Variants in EPHA2 observed in about 807,000 individuals in gnomAD.
EPHA2 encodes the protein ephrin type-A receptor 2.
In EPHA2, 54 loss-of-function variants were observed where a neutral mutation model predicts 104.9. The ratio of observed to expected loss-of-function variants is 0.51; its 90% confidence interval spans 0.41 to 0.65. The LOEUF (loss-of-function observed/expected upper bound fraction) is 0.65, where lower values mean the gene tolerates loss of function less well. Among genes scored for constraint, EPHA2 ranks in the 30% least tolerant of loss-of-function variants. EPHA2 has a pLI of 0.00. For missense variants in EPHA2, 1,117 were observed against 1,369.5 expected (o/e 0.82, Z 2.91); for synonymous variants, 560 against 559.1 (o/e 1.00, Z -0.02).
rs900675878 is a variant in EPHA2, at chr1:16,148,165, C to T, written c.823+213G>A. Among the ~76,000 whole-genome samples the T allele has an allele frequency of 2.0e-5, 3 of 152,162 alleles. No homozygotes were observed. Among genetic ancestry groups the T allele is most frequent in the African/African-American group, 7.2e-5 (3 of 41,428 alleles). On this transcript the variant is annotated intron_variant, in intron 3 of 16. Transcript: ENST00000358432. The surrounding 1 kb of genome is among the most constrained non-coding windows in gnomAD (Gnocchi z 4.9). ...TGCTGGGATTACAGGCATGAGCCAC[C>T]GTGCCCAGCCACAATTCATTCATTC...
At chr1:16,146,018 C>A (rs1236148313) in intron 3 of EPHA2, among the ~76,000 whole-genome samples, 2 of 152,222 alleles carry the variant, frequency 1.3e-5, no homozygotes, top group African/African-American at 4.8e-5. Flanking sequence ...TCGGACGACA[C>A]CCGTCTACGG....
chr1:16,150,186 CT>C lies in EPHA2; in HGVS notation c.153+709del, dbSNP rs1310190298. 1.3e-5 allele frequency among the ~76,000 whole-genome samples: 2 copies of C among 152,158 alleles called. No homozygotes were observed. Among genetic ancestry groups the C allele is most frequent in the Non-Finnish European group, 2.9e-5 (2 of 68,030 alleles). ...CTCTGGGAACTATTCCAAGTAGCCC[CT>C]GGGAGACAGCCCCCTTTCTCAGCTC... On this transcript the variant is annotated intron_variant, in intron 2 of 16. Coordinates refer to ENST00000358432, the MANE Select transcript of EPHA2 (RefSeq NM_004431.5). The surrounding 1 kb of genome is among the most constrained non-coding windows in gnomAD (Gnocchi z 4.8).
chr1:16,148,446 T>C lies in EPHA2; in HGVS notation c.755A>G (p.Glu252Gly). ...GCACTGCCCAATGGGCACCAGCCACTCGCCATCCACTGCACAGTGCATACG... is the reference window on the plus strand; with the variant it reads ...GCACTGCCCAATGGGCACCAGCCACCCGCCATCCACTGCACAGTGCATACG... ...EPRMHCAVDG[E>G]WLVPIGQCLC... The change falls in exon 3 of 17, where the codon GAG becomes GGG. Residue 252 changes from glutamate (E) to glycine (G), a missense_variant. Glu to Gly is a moderately conservative substitution (Grantham distance 98). Around this residue, in one of 3 missense-constraint regions of EPHA2, gnomAD observed 664 missense variants for 784.8 expected, o/e 0.85. Transcript: ENST00000358432. The surrounding 1 kb of genome is among the most constrained non-coding windows in gnomAD (Gnocchi z 4.9). 6.2e-7 allele frequency: 1 copy of C among 1,613,832 alleles called. No individual in the cohort carries two copies. Among genetic ancestry groups the C allele is most frequent in the Non-Finnish European group, 8.5e-7 (1 of 1,180,046 alleles).
intron 16 of EPHA2, among the ~76,000 whole-genome samples, chr1:16,126,830 G>A (rs1315649409): frequency 6.6e-6 from 1 of 152,132 alleles, no homozygotes; most frequent in Non-Finnish European, 1.5e-5. Flanking sequence ...GCTCCAGGAG[G>A]ACAAGTGCTG....
Position 16,132,178 on chromosome 1 carries a change from G to A in EPHA2, c.2211C>T (p.His737=). The change falls in exon 13 of 17, where the codon CAC becomes CAT. Residue 737 remains histidine (H), a synonymous_variant. Coordinates refer to ENST00000358432, the MANE Select transcript of EPHA2 (RefSeq NM_004431.5). ...GGATGTTGCGGGCAGCCAGGTCACG[G>A]TGCACATAGTTCATGTTGGCCAGGT... is the stretch of plus-strand genomic sequence containing the variant. ...MKYLANMNYV[H]RDLAARNILV... 4 of 1,614,216 alleles carry A rather than the reference G, an allele frequency of 2.5e-6. No homozygotes were observed. Among genetic ancestry groups the A allele is most frequent in the Non-Finnish European group, 3.4e-6 (4 of 1,180,042 alleles).
chr1:16,129,149 C>T (rs760588526), intron 16 of EPHA2, among the ~76,000 whole-genome samples: 2 of 150,900 alleles, frequency 1.3e-5, no homozygotes, highest in Non-Finnish European at 3.0e-5. Context: ...CAAGCAGAGA[C>T]GGCACATAGC....
At position 16,138,288 on chromosome 1, in the gene EPHA2, C is replaced by T. The variant is rs1284955011; in HGVS notation, c.966G>A (p.Ser322=). Residue 322 remains serine, a synonymous_variant, in exon 4 of 17, where the codon TCG becomes TCA. Coordinates refer to ENST00000358432, the MANE Select transcript of EPHA2 (RefSeq NM_004431.5). ...GFFRAPQDPA[S]MPCTRPPSAP... ...TGCAAGACTCACGTGTGCAAGGCAT[C>T]GACGCTGGGTCCTGAGGTGCCCGGA... 5 of 1,613,330 alleles carry T rather than the reference C, an allele frequency of 3.1e-6. No homozygotes were observed. Among genetic ancestry groups the T allele is most frequent in the East Asian group, 4.5e-5 (2 of 44,856 alleles).
intron 3 of EPHA2, among the ~76,000 whole-genome samples, chr1:16,145,875 C>T (rs1325595096): frequency 6.6e-6 from 1 of 152,222 alleles, no homozygotes; most frequent in Non-Finnish European, 1.5e-5. Context: ...TTCAGGCAAG[C>T]CTCTTTAGCT....
At position 16,150,619 on chromosome 1, in the gene EPHA2, GGAAGGCCCA is replaced by G. The variant is rs2025015395; in HGVS notation, c.153+268_153+276del. On this transcript the variant is annotated intron_variant, in intron 2 of 16. Transcript: ENST00000358432. This position sits in a 1 kb window ranked among gnomAD's most constrained non-coding sequence, Gnocchi z 4.8. ...CTGACTGTCAGCCCTTCTGGAACAT[GGAAGGCCCA>G]GCTCCGCTAGGGCCTTCTCTGTCTC... 6.6e-6 allele frequency among the ~76,000 whole-genome samples: 1 copy of G among 152,178 alleles called. No homozygotes were observed. Among genetic ancestry groups the G allele is most frequent in the South Asian group, 2.1e-4 (1 of 4,826 alleles).
chr1:16,130,424 C>T lies in EPHA2; in HGVS notation c.2476-5G>A, dbSNP rs374463695. 69 of 1,541,406 alleles carry T rather than the reference C, an allele frequency of 4.5e-5. 1 individual carries two copies. Among genetic ancestry groups the T allele is most frequent in the South Asian group, 4.4e-4 (35 of 79,156 alleles). On this transcript the variant is annotated splice_region_variant and splice_polypyrimidine_tract_variant and intron_variant, in intron 14 of 16. Transcript: ENST00000358432. The surrounding 1 kb of genome is among the most constrained non-coding windows in gnomAD (Gnocchi z 4.5). The stretch of plus-strand genomic sequence containing the variant: ...ATCATTGATGGCTTTCATCACCTGG[C>T]GGGGCACGAAGGTCAGGGGCGCTGT...
At chr1:16,132,328 C>A in intron 12 of EPHA2, 50 bp downstream of exon 12, 2 of 1,614,098 alleles carry the variant, frequency 1.2e-6, no homozygotes, top group Non-Finnish European at 1.7e-6. Context: ...CCAGGCCAGC[C>A]CCGGGCTCAA....
In EPHA2 at chr1:16,156,042, TCTGCCCCTC is replaced by T; in HGVS notation, c.-119_-111del. The T allele has an allele frequency of 1.1e-6, 1 of 908,842 alleles. No individual in the cohort carries two copies. The highest frequency in any genetic ancestry group is 1.5e-6 in the Non-Finnish European group (1 of 653,742). 56.3% of individuals were successfully genotyped at this position (908,842 alleles called of 1,614,324 possible). A position where few individuals can be genotyped will look rare whatever the true frequency, so the allele number is the denominator to read the frequency against. On this transcript the variant is annotated 5_prime_UTR_variant, in exon 1 of 17. Coordinates refer to ENST00000358432, the MANE Select transcript of EPHA2 (RefSeq NM_004431.5). Reference sequence around the variant, plus strand: ...CCCGCCCGCCGGCCTGCGCGCAACTTCTGCCCCTCCTGCCCCGAGTCCTTAATGGAAGTT... The same window carrying T: ...CCCGCCCGCCGGCCTGCGCGCAACTTCTGCCCCGAGTCCTTAATGGAAGTT...
chr1:16,141,031 C>A (rs753383798), intron 3 of EPHA2, among the ~76,000 whole-genome samples: 38 of 152,224 alleles, frequency 2.5e-4, no homozygotes, highest in Non-Finnish European at 5.9e-5. Flanking sequence ...CCTCACCGGG[C>A]CTCCTTTCCC....
At chr1:16,129,022 C>A (rs56798834) in intron 16 of EPHA2, among the ~76,000 whole-genome samples, 2,658 of 151,852 alleles carry the variant, frequency 0.018, 88 homozygotes, top group African/African-American at 0.059. Context: ...CTGCTCTCCC[C>A]CTCATGGCTG....
intron 2 of EPHA2, 131 bp from the exon 3 acceptor site, chr1:16,149,178 C>A: frequency 1.0e-6 from 1 of 996,606 alleles, no homozygotes; most frequent in Non-Finnish European, 1.5e-6. Flanking sequence ...GAAACTGAGG[C>A]CTGAGGCGGG....
chr1:16,153,944 C>T (rs992434012), intron 1 of EPHA2, among the ~76,000 whole-genome samples: 2 of 151,958 alleles, frequency 1.3e-5, no homozygotes, highest in East Asian at 1.9e-4. Context: ...GACTCTTTCA[C>T]GGGGACTCAG....
rs750878968 is a variant in EPHA2, at chr1:16,133,901, C to T, written c.1697G>A (p.Arg566His). 346 of 1,550,688 alleles carry T rather than the reference C, an allele frequency of 2.2e-4. 3 individuals carry two copies. In the East Asian group the frequency reaches 7.7e-3, roughly 35 times the overall value. The change falls in exon 9 of 17, where the codon CGT becomes CAT. Residue 566 changes from arginine (R) to histidine (H), a missense_variant. Physicochemically the swap from Arg to His is conservative, Grantham distance 29. Transcript: ENST00000358432. ...AACGTCCTCCGGGGACTGGCGGGCA[C>T]GCTGGTTCTTCCTCCTGAAAGAGCC... ...FFIHRRRKNQ[R>H]ARQSPEDVYF...
At position 16,130,247 on chromosome 1, in the gene EPHA2, G is replaced by C. The variant is rs1451923596; in HGVS notation, c.2648C>G (p.Thr883Ser). ...TCACCGGGGGTCAAAGTCAGCCAGG[G>C]TCTTGAGGGAGTCAGGGGCACGAAT... ...KLIRAPDSLK[T>S]LADFDPRVSI... The change falls in exon 15 of 17, where the codon ACC becomes AGC. Residue 883 changes from threonine (T) to serine (S), a missense_variant. Physicochemically the swap from Thr to Ser is moderately conservative, Grantham distance 58 (BLOSUM62 1). Coordinates refer to ENST00000358432, the MANE Select transcript of EPHA2 (RefSeq NM_004431.5). This position sits in a 1 kb window ranked among gnomAD's most constrained non-coding sequence, Gnocchi z 4.5. 6.2e-6 allele frequency: 10 copies of C among 1,614,050 alleles called. No homozygotes were observed. The highest frequency in any genetic ancestry group is 7.6e-6 in the Non-Finnish European group (9 of 1,180,020).
chr1:16,140,039 G>A lies in EPHA2; in HGVS notation c.824-1609C>T, dbSNP rs146678742. ...AACTCTCAGGGACAGAATCTGGAGC[G>A]AAGACTCTCGTCATCCAGTCCCCTG... is the stretch of plus-strand genomic sequence containing the variant. On this transcript the variant is annotated intron_variant, in intron 3 of 16. Coordinates refer to ENST00000358432, the MANE Select transcript of EPHA2 (RefSeq NM_004431.5). Among the ~76,000 whole-genome samples, 673 of 152,304 alleles carry A rather than the reference G, an allele frequency of 4.4e-3. 5 individuals carry two copies. Among genetic ancestry groups the A allele is most frequent in the East Asian group, 0.031 (159 of 5,186 alleles).
Sources: gnomAD v4.1 joint callset for allele counts (sites outside exome capture counted in the v4.1 genomes callset) on GRCh38, gnomAD v4.1.1 for gene constraint, gnomAD v4.1.1 regional missense constraint, Gnocchi (gnomAD v3.1) non-coding constraint, MANE v1.5 for transcripts, NCBI Gene and HGNC (gene_info 2026-07-23, HGNC 2026-07-21) for gene names.